TANC1: variants seen among roughly 807,000 people sequenced by gnomAD.
TANC1 encodes the protein protein TANC1.
A neutral mutation model predicts 149.7 loss-of-function variants in TANC1; 77 were observed. The observed-to-expected ratio is 0.51, with a 90% confidence interval of 0.43 to 0.62. The LOEUF is 0.62. TANC1 is among the 20% of genes least tolerant of loss of function. The pLI, the probability that TANC1 is intolerant of heterozygous loss-of-function variation, is 0.00. For synonymous variants in TANC1, 854 were observed against 925.0 expected (o/e 0.92, Z 1.39); for missense variants, 1,985 against 2,321.8 (o/e 0.85, Z 2.98).
intron 1 of TANC1, among the ~76,000 whole-genome samples, chr2:158,974,907 ATTTTT>A (rs3028258): frequency 9.7e-6 from 1 of 103,272 alleles, no homozygotes; most frequent in Non-Finnish European, 1.8e-5. Context: ...TAATTTTTGT[ATTTTT>A]TTTTTTTTTT....
At chr2:159,215,132 A>G (rs1467208303) in intron 19 of TANC1, among the ~76,000 whole-genome samples, 3 of 152,170 alleles carry the variant, frequency 2.0e-5, no homozygotes, top group Non-Finnish European at 4.4e-5. Flanking sequence ...TGCTTTCCCC[A>G]TGGTCATCCT....
At chr2:159,096,517 A>G (rs2046155462) in intron 3 of TANC1, among the ~76,000 whole-genome samples, 1 of 152,314 alleles carries the variant, frequency 6.6e-6, no homozygotes, top group South Asian at 2.1e-4. Context: ...GGTGCTCATC[A>G]CAGATGGAAC....
chr2:159,145,383 T>C (rs1158252506), intron 5 of TANC1, among the ~76,000 whole-genome samples: 1 of 152,182 alleles, frequency 6.6e-6, no homozygotes, highest in Non-Finnish European at 1.5e-5. Context: ...TAGCATCTTG[T>C]GGTTTATAAG....
chr2:159,017,624 A>G (rs576022871), intron 2 of TANC1, among the ~76,000 whole-genome samples: 5 of 152,214 alleles, frequency 3.3e-5, no homozygotes, highest in African/African-American at 9.6e-5. Context: ...AAATTTGCTT[A>G]TATTTCACAT....
At chr2:159,042,683 A>G (rs1475444598) in intron 2 of TANC1, among the ~76,000 whole-genome samples, 1 of 152,032 alleles carries the variant, frequency 6.6e-6, no homozygotes, top group Non-Finnish European at 1.5e-5. Context: ...TGGTGTGGGC[A>G]TGCAGGTGAT....
At chr2:159,068,271 C>T (rs761933855) in intron 3 of TANC1, among the ~76,000 whole-genome samples, 1 of 152,206 alleles carries the variant, frequency 6.6e-6, no homozygotes, top group Non-Finnish European at 1.5e-5. Context: ...TAAATTAAAG[C>T]TGGCTAGTCT....
At chr2:159,029,656 T>C (rs984173410) in intron 2 of TANC1, among the ~76,000 whole-genome samples, 3 of 152,208 alleles carry the variant, frequency 2.0e-5, no homozygotes, top group Admixed American at 2.0e-4. Context: ...CTTGGACTCC[T>C]GGGCTCAAGC....
rs528769392 is a variant in TANC1 at position 158,990,136 on chromosome 2, T to C, written c.-125-10944T>C. Among the ~76,000 whole-genome samples the C allele has an allele frequency of 2.6e-5, 4 of 152,198 alleles. No individual in the cohort carries two copies. In the South Asian group the frequency reaches 8.3e-4, roughly 32 times the overall value. On this transcript the variant is annotated intron_variant, in intron 1 of 26. Coordinates refer to ENST00000263635, the MANE Select transcript of TANC1 (RefSeq NM_033394.3). ...TTCACTATGTTGGCCAGGCTGGTCT[T>C]GCACTCCTGACCTCGTGATCTGCCC...
Position 158,970,872 on chromosome 2 carries a change from C to G in TANC1, c.-126+2090C>G, listed in dbSNP as rs141131241. On this transcript the variant is annotated intron_variant, in intron 1 of 26. Coordinates refer to ENST00000263635, the MANE Select transcript of TANC1 (RefSeq NM_033394.3). ...GTGCCCCAAACTTAACTTTTTGGCA[C>G]CAAGCCTTTTGGTTTGAAGTGTTGC... is the stretch of plus-strand genomic sequence containing the variant. 2.6e-5 allele frequency among the ~76,000 whole-genome samples: 4 copies of G among 152,226 alleles called. No homozygotes were observed. In the East Asian group the frequency reaches 7.7e-4, roughly 29 times the overall value.
chr2:159,117,631 C>A (rs543365933), intron 4 of TANC1, among the ~76,000 whole-genome samples: 15 of 150,588 alleles, frequency 1.0e-4, no homozygotes, highest in Non-Finnish European at 1.8e-4. Flanking sequence ...CTCCTGACCT[C>A]GTGACCCGCC....
At chr2:159,086,454 A>G (rs1385689355) in intron 3 of TANC1, among the ~76,000 whole-genome samples, 1 of 152,070 alleles carries the variant, frequency 6.6e-6, no homozygotes, top group African/African-American at 2.4e-5. Flanking sequence ...CTACATGGAC[A>G]AGGGCAAGTG....
In TANC1 at chr2:159,083,989, C is replaced by T. The variant is rs578028094; in HGVS notation, c.62-13648C>T. Among the ~76,000 whole-genome samples the T allele has an allele frequency of 4.1e-4, 62 of 152,196 alleles. 1 individual carries two copies. Among genetic ancestry groups the T allele is most frequent in the Admixed American group, 6.5e-4 (10 of 15,296 alleles). On this transcript the variant is annotated intron_variant, in intron 3 of 26. Transcript: ENST00000263635. ...GTCATCAGCTGGGCATGGTGGCTTA[C>T]GCCTGTAATCCAAATGCTTTGGGAG...
chr2:159,004,533 G>C (rs2036948023), intron 2 of TANC1, among the ~76,000 whole-genome samples: 1 of 152,140 alleles, frequency 6.6e-6, no homozygotes, highest in Non-Finnish European at 1.5e-5. Context: ...AAAATATGAA[G>C]TATTGGTGCA....
At chr2:159,198,632 A>G (rs981826222) in intron 18 of TANC1, among the ~76,000 whole-genome samples, 2 of 152,366 alleles carry the variant, frequency 1.3e-5, no homozygotes, top group African/African-American at 2.4e-5. Context: ...CTGATTCACT[A>G]TCTTGTGATT....
intron 1 of TANC1, among the ~76,000 whole-genome samples, chr2:158,981,024 T>A (rs550083800): frequency 1.3e-5 from 2 of 152,254 alleles, no homozygotes; most frequent in South Asian, 4.2e-4. Context: ...TTTCCTGTAT[T>A]TCCTATAAAC....
chr2:159,032,104 TAGG>T (rs1559151655), intron 2 of TANC1, among the ~76,000 whole-genome samples: 3 of 152,128 alleles, frequency 2.0e-5, no homozygotes, highest in Non-Finnish European at 4.4e-5. Context: ...ATTGGTGACT[TAGG>T]AGGAGATAGG....
chr2:159,076,269 G>A (rs1352663477), intron 3 of TANC1, among the ~76,000 whole-genome samples: 1 of 152,090 alleles, frequency 6.6e-6, no homozygotes, highest in African/African-American at 2.4e-5. Context: ...TACTGAAGTC[G>A]CTGATGGTGA....
chr2:159,045,721 G>A (rs1343282633), intron 2 of TANC1, among the ~76,000 whole-genome samples: 2 of 152,148 alleles, frequency 1.3e-5, no homozygotes, highest in Non-Finnish European at 2.9e-5. Flanking sequence ...CCGACGTTTA[G>A]GGGAACTTTT....
At chr2:159,163,181 G>A in intron 7 of TANC1, 102 bp from the exon 8 acceptor site, 2 of 1,215,114 alleles carry the variant, frequency 1.6e-6, no homozygotes, top group Non-Finnish European at 2.3e-6. Flanking sequence ...GTGTGGACTG[G>A]AAAACTTTCC....
Sources: gnomAD v4.1 joint callset for allele counts (sites outside exome capture counted in the v4.1 genomes callset) on GRCh38, gnomAD v4.1.1 for gene constraint, MANE v1.5 for transcripts, NCBI Gene and HGNC (gene_info 2026-07-23, HGNC 2026-07-21) for gene names.